Variants in FAM184B observed in about 807,000 individuals in gnomAD.
FAM184B encodes family with sequence similarity 184 member B, also known as protein FAM184B.
FAM184B carries 111 observed loss-of-function variants against 135.9 expected under a neutral mutation model. The ratio of observed to expected loss-of-function variants is 0.82; its 90% CI spans 0.70 to 0.96. FAM184B has a LOEUF of 0.96. Ranked by LOEUF, FAM184B falls within the 40% of genes least tolerant of loss-of-function variation. FAM184B has a pLI of 0.00. For synonymous variants in FAM184B, 552 were observed against 524.8 expected (o/e 1.05, Z -0.71); for missense variants, 1,375 against 1,323.9 (o/e 1.04, Z -0.60).
chr4:17,705,318 T>C (rs2108964048), intron 4 of FAM184B, 112 bp from the exon 5 acceptor site: 2 of 801,822 alleles, frequency 2.5e-6, no homozygotes, highest in South Asian at 1.8e-5. Context: ...TTTTACAGCA[T>C]GTAGCACAAG....
At chr4:17,661,277 G>A (rs1390758662) in intron 8 of FAM184B, among the ~76,000 whole-genome samples, 1 of 152,104 alleles carries the variant, frequency 6.6e-6, no homozygotes, top group Non-Finnish European at 1.5e-5. Flanking sequence ...CGGGCTGGGT[G>A]CGGTGGCTCA....
At position 17,639,851 on chromosome 4, in the gene FAM184B, G is replaced by A. The variant is rs28709750; in HGVS notation, c.2520-455C>T. 5.5e-3 allele frequency among the ~76,000 whole-genome samples: 823 copies of A among 149,772 alleles called. 6 individuals are homozygous for A. Among genetic ancestry groups the A allele is most frequent in the African/African-American group, 0.019 (770 of 40,300 alleles). On this transcript the variant is annotated intron_variant, in intron 13 of 17. Coordinates refer to ENST00000265018, the MANE Select transcript of FAM184B (RefSeq NM_015688.2). Reference sequence around the variant, plus strand: ...CTGAACTTTTTTTTTTTTTTGAGACGGAGTCTTGCTCTTGTTGCTCAGGGT... The same window carrying A: ...CTGAACTTTTTTTTTTTTTTGAGACAGAGTCTTGCTCTTGTTGCTCAGGGT...
At position 17,631,878 on chromosome 4, in the gene FAM184B, G is replaced by A. The variant is rs1433679373; in HGVS notation, c.*654C>T. 6.6e-6 allele frequency: 1 copy of A among 151,944 alleles called. No individual in the cohort carries two copies. The highest frequency in any genetic ancestry group is 1.9e-4 in the East Asian group (1 of 5,188). 9.4% of individuals were successfully genotyped at this position (151,944 alleles called of 1,614,324 possible). ...CCAGTGGAGTTGACTAGCATCCTAA[G>A]GACAAGTACAACCACTTTTGAAATA... On this transcript the variant is annotated 3_prime_UTR_variant, in exon 18 of 18. Transcript: ENST00000265018.
At chr4:17,667,583 TGA>T (rs1298909710) in intron 7 of FAM184B, among the ~76,000 whole-genome samples, 1 of 152,182 alleles carries the variant, frequency 6.6e-6, no homozygotes, top group African/African-American at 2.4e-5. Flanking sequence ...AGTGATGGCC[TGA>T]GAGAGAGTAA....
intron 6 of FAM184B, 39 bp downstream of exon 6, chr4:17,693,263 G>C: frequency 6.7e-7 from 1 of 1,490,614 alleles, no homozygotes; most frequent in South Asian, 1.2e-5. Context: ...CCAGGGACCA[G>C]AAACAGCACC....
chr4:17,780,144 T>C (rs1719007005), intron 1 of FAM184B, among the ~76,000 whole-genome samples: 2 of 152,072 alleles, frequency 1.3e-5, no homozygotes, highest in African/African-American at 4.8e-5. Flanking sequence ...GCTCTATTCC[T>C]CCTGGCAAAA....
chr4:17,651,043 A>G (rs2108936502), intron 11 of FAM184B, among the ~76,000 whole-genome samples: 1 of 152,214 alleles, frequency 6.6e-6, no homozygotes, highest in South Asian at 2.1e-4. Context: ...GCACCCAGAA[A>G]TCTCTTAAGG....
chr4:17,777,928 T>C (rs761853673), intron 1 of FAM184B, among the ~76,000 whole-genome samples: 20 of 152,110 alleles, frequency 1.3e-4, no homozygotes, highest in Non-Finnish European at 2.4e-4. Context: ...TGAGACCCTG[T>C]CTCTACAAAA....
intron 1 of FAM184B, among the ~76,000 whole-genome samples, chr4:17,733,638 CT>C (rs1717837482): frequency 6.6e-6 from 1 of 152,108 alleles, no homozygotes; most frequent in Non-Finnish European, 1.5e-5. Context: ...TGAAGGACCT[CT>C]TCAAGGAGAA....
At chr4:17,734,979 C>T (rs1416474193) in intron 1 of FAM184B, among the ~76,000 whole-genome samples, 3 of 152,258 alleles carry the variant, frequency 2.0e-5, no homozygotes, top group East Asian at 3.9e-4. Context: ...GGCACATATA[C>T]ACCATGGAAT....
chr4:17,771,121 T>C (rs938447314), intron 1 of FAM184B, among the ~76,000 whole-genome samples: 4 of 152,240 alleles, frequency 2.6e-5, no homozygotes, highest in African/African-American at 9.6e-5. Context: ...CTTGGGTATA[T>C]ACCTGGGAGT....
In FAM184B at chr4:17,695,270, C is replaced by T. The variant is rs144873846; in HGVS notation, c.1378-1858G>A. 1.3e-3 allele frequency among the ~76,000 whole-genome samples: 191 copies of T among 152,182 alleles called. 1 individual carries two copies. The highest frequency in any genetic ancestry group is 4.1e-3 in the African/African-American group (172 of 41,522). ...CTTGACCACCCGGGCTCAAGCAATC[C>T]TCCTACCTCAGCCTCTGAAGTAGCT... On this transcript the variant is annotated intron_variant, in intron 5 of 17. Transcript: ENST00000265018.
chr4:17,670,451 A>C (rs1375035444), intron 7 of FAM184B, among the ~76,000 whole-genome samples: 1 of 152,230 alleles, frequency 6.6e-6, no homozygotes, highest in Non-Finnish European at 1.5e-5. Context: ...GAGATTAAAA[A>C]GAATTCCAAA....
At chr4:17,701,392 C>G (rs1716982984) in intron 5 of FAM184B, among the ~76,000 whole-genome samples, 1 of 152,198 alleles carries the variant, frequency 6.6e-6, no homozygotes, top group Non-Finnish European at 1.5e-5. Context: ...ACTCAAGTTA[C>G]TTAATTTCCC....
intron 1 of FAM184B, among the ~76,000 whole-genome samples, chr4:17,725,911 T>A (rs1480767688): frequency 6.6e-6 from 1 of 152,052 alleles, no homozygotes; most frequent in African/African-American, 2.4e-5. Flanking sequence ...ATGTACGGAT[T>A]TACTAATCAA....
intron 14 of FAM184B, 35 bp from the exon 15 acceptor site, chr4:17,636,680 AC>A: frequency 6.9e-7 from 1 of 1,454,198 alleles, no homozygotes; most frequent in Non-Finnish European, 9.3e-7. Flanking sequence ...AGTCCCCCTT[AC>A]AGCAATTACT....
intron 10 of FAM184B, among the ~76,000 whole-genome samples, chr4:17,653,935 ATTT>A (rs1381688886): frequency 2.7e-5 from 4 of 145,530 alleles, no homozygotes; most frequent in Non-Finnish European, 6.1e-5. Context: ...GGGGAGGGGG[ATTT>A]GAAGCTGCTA....
chr4:17,674,213 C>G, intron 7 of FAM184B, among the ~76,000 whole-genome samples: 1 of 152,104 alleles, frequency 6.6e-6, no homozygotes, highest in East Asian at 1.9e-4. Context: ...TAATTACAAG[C>G]ATACCTCAGA....
intron 6 of FAM184B, among the ~76,000 whole-genome samples, chr4:17,689,980 C>A (rs149169790): frequency 0.02 from 3,101 of 152,022 alleles, 52 homozygotes; most frequent in South Asian, 0.055. Flanking sequence ...GAAACCCCAT[C>A]TCTACTAAAA....
Sources: gnomAD v4.1 joint callset for allele counts (sites outside exome capture counted in the v4.1 genomes callset) on GRCh38, gnomAD v4.1.1 for gene constraint, MANE v1.5 for transcripts, NCBI Gene and HGNC (gene_info 2026-07-23, HGNC 2026-07-21) for gene names.